Variants in MAPKAP1 observed in about 807,000 individuals in gnomAD.
The protein encoded by MAPKAP1 is target of rapamycin complex 2 subunit MAPKAP1.
In MAPKAP1, 20 loss-of-function variants were observed where a neutral mutation model predicts 65.7. The observed-to-expected ratio is 0.30, with a 90% CI of 0.21 to 0.44. The LOEUF (loss-of-function observed/expected upper bound fraction) is 0.44, where lower values mean the gene tolerates loss of function less well. Among genes scored for constraint, MAPKAP1 ranks in the 20% least tolerant of loss-of-function variants. The pLI is 1.00. For missense variants in MAPKAP1, 423 were observed against 648.0 expected (o/e 0.65, Z 3.77); for synonymous variants, 222 against 244.3 (o/e 0.91, Z 0.85).
At chr9:125,647,785 G>A (rs1257884693) in intron 4 of MAPKAP1, among the ~76,000 whole-genome samples, 2 of 152,108 alleles carry the variant, frequency 1.3e-5, no homozygotes, top group Admixed American at 6.5e-5. Context: ...GTACAGTGTG[G>A]GTGCCTAGTA....
intron 5 of MAPKAP1, among the ~76,000 whole-genome samples, chr9:125,574,632 C>T (rs190770249): frequency 1.6e-3 from 251 of 152,274 alleles, no homozygotes; most frequent in African/African-American, 5.4e-3. Context: ...AAATACTGTC[C>T]TAAGTCCACA....
At chr9:125,591,204 A>G (rs1589319098) in intron 4 of MAPKAP1, among the ~76,000 whole-genome samples, 1 of 152,234 alleles carries the variant, frequency 6.6e-6, no homozygotes, top group East Asian at 1.9e-4. Context: ...GCCCTACTGT[A>G]AACACCAACG....
At chr9:125,677,660 C>T (rs1564613487) in intron 1 of MAPKAP1, among the ~76,000 whole-genome samples, 1 of 152,038 alleles carries the variant, frequency 6.6e-6, no homozygotes, top group Non-Finnish European at 1.5e-5. Flanking sequence ...TGCCACTGCA[C>T]TCCAGCTTGG....
In MAPKAP1 at chr9:125,620,874, G is replaced by C. The variant is rs557860946; in HGVS notation, c.499-35147C>G. ...GGGTATGGGTAGGGACGACATGAAT[G>C]GTGGACAGGAGGGAGTGAGACATGT... On this transcript the variant is annotated intron_variant, in intron 4 of 11. Transcript: ENST00000265960. Among the ~76,000 whole-genome samples, 3 of 139,714 alleles carry C rather than the reference G, an allele frequency of 2.1e-5. No individual in the cohort carries two copies. In the East Asian group the frequency reaches 6.0e-4, roughly 28 times the overall value. The allele number at this position is 139,714 out of a possible 152,430, so 91.7% of individuals were successfully genotyped here.
At chr9:125,681,617 C>A (rs1000155718) in intron 1 of MAPKAP1, among the ~76,000 whole-genome samples, 17 of 152,216 alleles carry the variant, frequency 1.1e-4, no homozygotes, top group Admixed American at 3.3e-4. Context: ...GTGATTCTCA[C>A]ACTTCTCCAC....
At chr9:125,677,581 A>G (rs925812333) in intron 1 of MAPKAP1, among the ~76,000 whole-genome samples, 4 of 152,246 alleles carry the variant, frequency 2.6e-5, no homozygotes, top group Middle Eastern at 3.4e-3. Flanking sequence ...CTATAGTGTC[A>G]GCTACTCGGG....
At chr9:125,695,590 G>A (rs964587371) in intron 1 of MAPKAP1, among the ~76,000 whole-genome samples, 3 of 151,832 alleles carry the variant, frequency 2.0e-5, no homozygotes, top group Admixed American at 6.6e-5. Context: ...CAAATACTTC[G>A]GTAAATTTTT....
At chr9:125,649,010 A>T (rs1184837123) in intron 4 of MAPKAP1, among the ~76,000 whole-genome samples, 1 of 152,200 alleles carries the variant, frequency 6.6e-6, no homozygotes, top group Non-Finnish European at 1.5e-5. Context: ...ATGCCCAGCT[A>T]GGTGGAGCCT....
At chr9:125,651,835 T>C (rs896655567) in intron 4 of MAPKAP1, among the ~76,000 whole-genome samples, 1 of 151,936 alleles carries the variant, frequency 6.6e-6, no homozygotes, top group Non-Finnish European at 1.5e-5. Flanking sequence ...TGAGTAGGGG[T>C]TGGGGGTAAA....
At chr9:125,459,260 G>A (rs572765256) in intron 10 of MAPKAP1, among the ~76,000 whole-genome samples, 18 of 151,236 alleles carry the variant, frequency 1.2e-4, no homozygotes, top group East Asian at 2.0e-4. Context: ...ATGTGATGGC[G>A]GCCGGGAAGA....
chr9:125,518,713 T>C (rs569009310), intron 7 of MAPKAP1, among the ~76,000 whole-genome samples: 1 of 152,300 alleles, frequency 6.6e-6, no homozygotes, highest in South Asian at 2.1e-4. Flanking sequence ...AAGAATTCTA[T>C]GATACATTAT....
At chr9:125,625,631 C>A (rs1481219051) in intron 4 of MAPKAP1, among the ~76,000 whole-genome samples, 1 of 152,132 alleles carries the variant, frequency 6.6e-6, no homozygotes, top group African/African-American at 2.4e-5. Context: ...CCCATCTCTA[C>A]TAAAAATACA....
intron 1 of MAPKAP1, among the ~76,000 whole-genome samples, chr9:125,681,850 G>A (rs935971961): frequency 3.9e-5 from 6 of 152,096 alleles, no homozygotes; most frequent in Admixed American, 1.3e-4. Flanking sequence ...AGCTCACTGC[G>A]GCCTTGACTT....
In MAPKAP1 at chr9:125,597,480, T is replaced by C. The variant is rs372361728; in HGVS notation, c.499-11753A>G. ...AAAGAAATATCCATATCAAGTGAGT[T>C]AGCTGAATTAAGTCTTACAGACTAA... On this transcript the variant is annotated intron_variant, in intron 4 of 11. Transcript: ENST00000265960. Among the ~76,000 whole-genome samples the C allele has an allele frequency of 1.3e-4, 20 of 152,242 alleles. No individual in the cohort carries two copies. The East Asian group carries it at 2.1e-3, about 16-fold the overall frequency.
intron 4 of MAPKAP1, among the ~76,000 whole-genome samples, chr9:125,630,691 C>T (rs542855264): frequency 6.6e-6 from 1 of 152,250 alleles, no homozygotes; most frequent in East Asian, 1.9e-4. Context: ...GGATGTTTGT[C>T]CTCTTCAAAC....
chr9:125,570,036 C>T (rs1831180183), intron 5 of MAPKAP1, among the ~76,000 whole-genome samples: 2 of 152,158 alleles, frequency 1.3e-5, no homozygotes, highest in Admixed American at 1.3e-4. Context: ...TGAACTGCTT[C>T]TTTAACTTTT....
chr9:125,476,541 G>GT (rs1462309708), intron 9 of MAPKAP1, among the ~76,000 whole-genome samples: 3 of 150,180 alleles, frequency 2.0e-5, no homozygotes, highest in African/African-American at 7.5e-5. Flanking sequence ...GTACTCCACA[G>GT]GTACCCCACT....
At chr9:125,694,014 TAAAATTTTTTTTTAATTTTTA>T (rs1025412335) in intron 1 of MAPKAP1, among the ~76,000 whole-genome samples, 46 of 151,964 alleles carry the variant, frequency 3.0e-4, no homozygotes, top group Non-Finnish European at 3.1e-4. Context: ...TTATTTGTAT[TAAAATTTTTTTTTAATTTTTA>T]AAAATTTTTT....
chr9:125,484,362 A>G, intron 9 of MAPKAP1, 81 bp downstream of exon 9: 2 of 1,382,158 alleles, frequency 1.4e-6, no homozygotes, highest in South Asian at 3.4e-5. Flanking sequence ...GGTCACATAA[A>G]AGTTGTATGT....
Sources: gnomAD v4.1 joint callset for allele counts (sites outside exome capture counted in the v4.1 genomes callset) on GRCh38, gnomAD v4.1.1 for gene constraint, MANE v1.5 for transcripts, NCBI Gene and HGNC (gene_info 2026-07-23, HGNC 2026-07-21) for gene names.